SMAP1: variants seen among roughly 807,000 people sequenced by gnomAD.
SMAP1 encodes the protein small ArfGAP 1.
A neutral mutation model predicts 58.5 loss-of-function variants in SMAP1; 24 were observed. That is an observed-to-expected ratio of 0.41 (90% CI 0.30 to 0.58). SMAP1 has a LOEUF of 0.58. Among genes scored for constraint, SMAP1 ranks in the 20% least tolerant of loss-of-function variants. The pLI is 0.29. For missense variants in SMAP1, 563 were observed against 566.3 expected (o/e 0.99, Z 0.06); for synonymous variants, 216 against 196.6 (o/e 1.10, Z -0.82).
chr6:70,746,952 T>G (rs753013523), intron 2 of SMAP1, among the ~76,000 whole-genome samples: 1 of 152,178 alleles, frequency 6.6e-6, no homozygotes, highest in Non-Finnish European at 1.5e-5. Context: ...CCCTATAGAG[T>G]ACAGGAAGTT....
intron 1 of SMAP1, among the ~76,000 whole-genome samples, chr6:70,671,930 G>A (rs544441864): frequency 6.6e-6 from 1 of 152,304 alleles, no homozygotes; most frequent in African/African-American, 2.4e-5. Flanking sequence ...AAATTGGTAT[G>A]AAAGTGAGTC....
chr6:70,738,312 C>T (rs560323689), intron 2 of SMAP1, among the ~76,000 whole-genome samples: 2 of 152,130 alleles, frequency 1.3e-5, no homozygotes, highest in South Asian at 4.1e-4. Flanking sequence ...TGAAATTCAA[C>T]CTCAGAGGAT....
intron 3 of SMAP1, among the ~76,000 whole-genome samples, chr6:70,770,404 G>T (rs976875277): frequency 2.0e-5 from 3 of 152,106 alleles, no homozygotes. Flanking sequence ...CATAGATTTC[G>T]TCTTTTCACA....
intron 7 of SMAP1, among the ~76,000 whole-genome samples, chr6:70,844,322 C>T (rs370524925): frequency 2.8e-4 from 43 of 152,010 alleles, no homozygotes; most frequent in African/African-American, 9.2e-4. Context: ...AATCAGAGTG[C>T]GTGTGTGTGT....
chr6:70,733,362 T>C (rs879694953), intron 2 of SMAP1, among the ~76,000 whole-genome samples: 14 of 152,156 alleles, frequency 9.2e-5, no homozygotes, highest in Non-Finnish European at 1.5e-5. Context: ...CTTAAATTAG[T>C]TTTTGAGCTT....
chr6:70,767,384 G>T (rs1562144915), intron 3 of SMAP1, among the ~76,000 whole-genome samples: 1 of 152,176 alleles, frequency 6.6e-6, no homozygotes, highest in Non-Finnish European at 1.5e-5. Context: ...CATGAGCATG[G>T]AATGTTCTTC....
intron 1 of SMAP1, among the ~76,000 whole-genome samples, chr6:70,671,924 T>A (rs1454188582): frequency 6.6e-6 from 1 of 152,218 alleles, no homozygotes; most frequent in African/African-American, 2.4e-5. Context: ...ATGTTTAAAT[T>A]GGTATGAAAG....
chr6:70,808,902 CTGTGTGTGTGTGTGTGTGTG>C lies in SMAP1; in HGVS notation c.576+10185_576+10204del, dbSNP rs35577736. ...TTTATTTCTAGTGCAGGCTGTTTCC[CTGTGTGTGTGTGTGTGTGTG>C]TGTGTGTGTGTGTGTGTGTACACAC... On this transcript the variant is annotated intron_variant, in intron 6 of 10. Coordinates refer to ENST00000370455, the MANE Select transcript of SMAP1 (RefSeq NM_001044305.3). Among the ~76,000 whole-genome samples the C allele has an allele frequency of 1.6e-3, 230 of 144,764 alleles. 1 individual carries two copies. Among genetic ancestry groups the C allele is most frequent in the African/African-American group, 4.0e-3 (155 of 39,086 alleles). 95.0% of individuals were successfully genotyped at this position (144,764 alleles called of 152,430 possible). A position where few individuals can be genotyped will look rare whatever the true frequency, so the allele number is the denominator to read the frequency against.
chr6:70,766,704 C>T (rs1226649785), intron 3 of SMAP1, among the ~76,000 whole-genome samples: 3 of 152,110 alleles, frequency 2.0e-5, no homozygotes, highest in South Asian at 2.1e-4. Flanking sequence ...GTTGCCTGTT[C>T]ACTCTGATGG....
intron 2 of SMAP1, among the ~76,000 whole-genome samples, chr6:70,744,779 A>G (rs1304548046): frequency 6.6e-6 from 1 of 152,238 alleles, no homozygotes; most frequent in Non-Finnish European, 1.5e-5. Context: ...ACTAATTTAC[A>G]GTCCCACCAA....
intron 7 of SMAP1, among the ~76,000 whole-genome samples, chr6:70,845,081 C>T (rs745555742): frequency 2.6e-5 from 4 of 152,088 alleles, no homozygotes; most frequent in Non-Finnish European, 5.9e-5. Context: ...AAGGTTCATG[C>T]TCAGTCAAAA....
intron 6 of SMAP1, among the ~76,000 whole-genome samples, chr6:70,820,003 T>C (rs1159785286): frequency 6.6e-6 from 1 of 152,216 alleles, no homozygotes; most frequent in Non-Finnish European, 1.5e-5. Context: ...CCTTTCTCTT[T>C]GATTTCTGCT....
intron 1 of SMAP1, among the ~76,000 whole-genome samples, chr6:70,690,859 C>A (rs1767136681): frequency 6.6e-6 from 1 of 151,568 alleles, no homozygotes; most frequent in African/African-American, 2.4e-5. Flanking sequence ...CCTCCCCCTT[C>A]CCCCCTTCCC....
intron 6 of SMAP1, among the ~76,000 whole-genome samples, chr6:70,808,941 T>TGTAC (rs1554204704): frequency 1.4e-5 from 2 of 144,750 alleles, no homozygotes; most frequent in Non-Finnish European, 3.1e-5. Context: ...TGTGTGTGTG[T>TGTAC]ACACACTTAC....
intron 6 of SMAP1, among the ~76,000 whole-genome samples, chr6:70,819,359 T>C (rs1013943771): frequency 1.6e-4 from 25 of 151,706 alleles, no homozygotes; most frequent in African/African-American, 6.0e-4. Flanking sequence ...AGTAACTATA[T>C]GTTAGAACTT....
chr6:70,831,531 T>C (rs1232532039), intron 6 of SMAP1, among the ~76,000 whole-genome samples: 1 of 152,204 alleles, frequency 6.6e-6, no homozygotes, highest in Non-Finnish European at 1.5e-5. Context: ...TAATTTTCTG[T>C]TTTTGCATTA....
Position 70,861,411 on chromosome 6 carries a change from AT to A in SMAP1, c.*1078del. ...TGCAGTATCGGCACTGTACAAAAAA[AT>A]CTTCCAATTTAGTTGTTGTAGAGAA... On this transcript the variant is annotated 3_prime_UTR_variant, in exon 11 of 11. Transcript: ENST00000370455. 2.1e-6 allele frequency: 1 copy of A among 476,618 alleles called. No homozygotes were observed. The highest frequency in any genetic ancestry group is 3.8e-6 in the Non-Finnish European group (1 of 265,194). 29.5% of individuals were successfully genotyped at this position (476,618 alleles called of 1,614,324 possible).
intron 6 of SMAP1, among the ~76,000 whole-genome samples, chr6:70,835,638 C>CT (rs1194261058): frequency 2.6e-5 from 4 of 152,144 alleles, no homozygotes; most frequent in African/African-American, 9.7e-5. Flanking sequence ...TCCCGAGTAG[C>CT]TGAGACTACA....
At chr6:70,668,849 T>A in intron 1 of SMAP1, 1 of 1,081,208 alleles carries the variant, frequency 9.2e-7, no homozygotes, top group Non-Finnish European at 1.3e-6. Context: ...ACGGTGGGTT[T>A]GTATTTCTGA....
Sources: gnomAD v4.1 joint callset for allele counts (sites outside exome capture counted in the v4.1 genomes callset) on GRCh38, gnomAD v4.1.1 for gene constraint, MANE v1.5 for transcripts, NCBI Gene and HGNC (gene_info 2026-07-23, HGNC 2026-07-21) for gene names.